Variants in SEL1L3 observed in about 807,000 individuals in gnomAD.
SEL1L3 encodes the protein protein sel-1 homolog 3.
SEL1L3 carries 76 observed loss-of-function variants against 142.8 expected under a neutral mutation model. The observed-to-expected ratio is 0.53, with a 90% CI of 0.44 to 0.64. SEL1L3 has a LOEUF of 0.64. Among genes scored for constraint, SEL1L3 ranks in the 30% least tolerant of loss-of-function variants. The pLI, the probability that SEL1L3 is intolerant of heterozygous loss-of-function variation, is 0.00. For missense variants in SEL1L3, 1,262 were observed against 1,381.7 expected (o/e 0.91, Z 1.37); for synonymous variants, 504 against 519.6 (o/e 0.97, Z 0.41).
At chr4:25,768,022 T>A (rs541270237) in intron 17 of SEL1L3, among the ~76,000 whole-genome samples, 192 bp from the exon 18 acceptor site, 7 of 152,290 alleles carry the variant, frequency 4.6e-5, no homozygotes, top group South Asian at 4.1e-4. Flanking sequence ...TCTTAAAGGC[T>A]GAACTCACAG....
At chr4:25,820,119 T>C (rs976212427) in intron 7 of SEL1L3, among the ~76,000 whole-genome samples, 179 bp from the exon 8 acceptor site, 10 of 152,238 alleles carry the variant, frequency 6.6e-5, no homozygotes, top group Non-Finnish European at 7.3e-5. Flanking sequence ...TTCAAGGACA[T>C]GCCAGCTCTG....
rs188657306 is a variant in SEL1L3, at chr4:25,854,622, G to C, written c.163-6758C>G. Among the ~76,000 whole-genome samples the C allele has an allele frequency of 3.8e-3, 581 of 152,282 alleles. 3 individuals are homozygous for C. Among genetic ancestry groups the C allele is most frequent in the African/African-American group, 0.014 (564 of 41,550 alleles). ...CAGATAGAGTTTTGAAGAACAAAAG[G>C]TGACAGAAGATATGCTTTGTTAGGA... On this transcript the variant is annotated intron_variant, in intron 1 of 23. Transcript: ENST00000399878.
intron 11 of SEL1L3, among the ~76,000 whole-genome samples, chr4:25,798,389 C>A (rs1003117509): frequency 6.6e-5 from 10 of 152,180 alleles, no homozygotes; most frequent in Non-Finnish European, 1.2e-4. Context: ...CATGTATGTG[C>A]CTAGGCCACA....
intron 2 of SEL1L3, among the ~76,000 whole-genome samples, chr4:25,838,136 C>T (rs1380705561): frequency 6.6e-6 from 1 of 152,194 alleles, no homozygotes; most frequent in Non-Finnish European, 1.5e-5. Context: ...CCTCCTAGTA[C>T]TGTCCACAAT....
chr4:25,774,201 A>T (rs1719440402), intron 17 of SEL1L3, among the ~76,000 whole-genome samples: 1 of 152,244 alleles, frequency 6.6e-6, no homozygotes, highest in Non-Finnish European at 1.5e-5. Flanking sequence ...AAGCCAGCGC[A>T]AGGGCTCAGA....
At chr4:25,827,253 G>A (rs547043672) in intron 6 of SEL1L3, among the ~76,000 whole-genome samples, 5 of 152,238 alleles carry the variant, frequency 3.3e-5, no homozygotes, top group African/African-American at 1.2e-4. Flanking sequence ...CCCTCAGATT[G>A]TGACCTTATT....
the SEL1L3 span, among the ~76,000 whole-genome samples, chr4:25,740,005 C>T: frequency 1.3e-5 from 2 of 150,188 alleles, no homozygotes; most frequent in Non-Finnish European, 3.0e-5. Flanking sequence ...ACTATGTTGT[C>T]CAGGCTGGTC....
rs576995053 is a variant in SEL1L3, at chr4:25,766,746, C to T, written c.2845+779G>A. On this transcript the variant is annotated intron_variant, in intron 19 of 23. Coordinates refer to ENST00000399878, the MANE Select transcript of SEL1L3 (RefSeq NM_015187.5). ...TGGAACCATGGAAATGTAGCCACTGCCAGAGACACAGTCCAAAGCAGAGAG... is the reference window on the plus strand; with the variant it reads ...TGGAACCATGGAAATGTAGCCACTGTCAGAGACACAGTCCAAAGCAGAGAG... Among the ~76,000 whole-genome samples, 11 of 152,184 alleles carry T rather than the reference C, an allele frequency of 7.2e-5. No individual in the cohort carries two copies. In the South Asian group the frequency reaches 2.3e-3, roughly 32 times the overall value.
In SEL1L3 at chr4:25,808,185, A is replaced by C. The variant is rs542552598; in HGVS notation, c.1565-3433T>G. ...TGCATTTTTTTCTAGTCAATCTGTAACTAAAAACATGCCTTGTTTATGGAG... is the reference window on the plus strand; with the variant it reads ...TGCATTTTTTTCTAGTCAATCTGTACCTAAAAACATGCCTTGTTTATGGAG... On this transcript the variant is annotated intron_variant, in intron 9 of 23. Coordinates refer to ENST00000399878, the MANE Select transcript of SEL1L3 (RefSeq NM_015187.5). 4.4e-4 allele frequency among the ~76,000 whole-genome samples: 67 copies of C among 152,336 alleles called. 1 individual carries two copies. In the East Asian group the frequency reaches 0.012, roughly 26 times the overall value.
intron 2 of SEL1L3, among the ~76,000 whole-genome samples, chr4:25,844,927 G>A (rs1299912069): frequency 1.4e-5 from 2 of 147,856 alleles, no homozygotes; most frequent in Non-Finnish European, 3.0e-5. Context: ...CACACAGAAA[G>A]GGAATTTACT....
At chr4:25,733,191 G>A in the SEL1L3 span, among the ~76,000 whole-genome samples, 22 of 151,844 alleles carry the variant, frequency 1.4e-4, no homozygotes, top group African/African-American at 5.3e-4. Flanking sequence ...GCATTGCATT[G>A]AATCTATAAA....
At chr4:25,856,228 A>G (rs1035823580) in intron 1 of SEL1L3, among the ~76,000 whole-genome samples, 29 of 152,248 alleles carry the variant, frequency 1.9e-4, no homozygotes, top group Middle Eastern at 3.4e-3. Flanking sequence ...CATCCATGTT[A>G]CTGTGATAAT....
chr4:25,753,392 T>C (rs1042559098), intron 23 of SEL1L3, among the ~76,000 whole-genome samples: 4 of 152,194 alleles, frequency 2.6e-5, no homozygotes, highest in African/African-American at 9.6e-5. Flanking sequence ...GACGGGAGGC[T>C]CCTAACTCTC....
intron 23 of SEL1L3, among the ~76,000 whole-genome samples, chr4:25,751,046 T>C (rs372041883): frequency 3.9e-5 from 6 of 152,354 alleles, no homozygotes; most frequent in African/African-American, 1.4e-4. Flanking sequence ...TAGTGACTTC[T>C]ATTTTCCACT....
intron 23 of SEL1L3, among the ~76,000 whole-genome samples, chr4:25,754,344 T>C (rs926803773): frequency 2.7e-4 from 37 of 135,512 alleles, no homozygotes; most frequent in African/African-American, 9.3e-4. Flanking sequence ...ATAAAAATTA[T>C]TGACAACTTT....
chr4:25,780,630 A>G (rs1719929960), intron 15 of SEL1L3, among the ~76,000 whole-genome samples: 1 of 151,642 alleles, frequency 6.6e-6, no homozygotes, highest in Non-Finnish European at 1.5e-5. Context: ...ATACAATATC[A>G]CCTTATGAGA....
intron 9 of SEL1L3, among the ~76,000 whole-genome samples, chr4:25,810,399 C>A (rs908533150): frequency 1.3e-5 from 2 of 152,114 alleles, no homozygotes; most frequent in East Asian, 3.9e-4. Flanking sequence ...CAGTCCTCAT[C>A]GCATCTCTTC....
chr4:25,810,885 C>T (rs1284485251), intron 9 of SEL1L3, among the ~76,000 whole-genome samples: 1 of 152,246 alleles, frequency 6.6e-6, no homozygotes, highest in Non-Finnish European at 1.5e-5. Flanking sequence ...GTAGCCCCGC[C>T]ATGTTTAATT....
At chr4:25,777,855 G>A in intron 16 of SEL1L3, 1 of 456,194 alleles carries the variant, frequency 2.2e-6, no homozygotes, top group South Asian at 1.5e-5. Flanking sequence ...GGGTATCAGT[G>A]TGAGGGTGGC....
Sources: allele counts gnomAD v4.1 joint callset (sites outside exome capture counted in the v4.1 genomes callset), GRCh38; gene constraint gnomAD v4.1.1; transcripts MANE v1.5; gene names NCBI Gene and HGNC (gene_info 2026-07-23, HGNC 2026-07-21).